TUT1: variants seen among roughly 807,000 people sequenced by gnomAD.
TUT1 encodes the protein terminal uridylyl transferase 1, U6 snRNA-specific, also known as speckle targeted PIP5K1A-regulated poly(A) polymerase.
In TUT1, 26 loss-of-function variants were observed where a neutral mutation model predicts 48.8. The observed-to-expected ratio is 0.53, with a 90% CI of 0.39 to 0.74. The LOEUF (loss-of-function observed/expected upper bound fraction) is 0.74, where lower values mean the gene tolerates loss of function less well. Ranked by LOEUF, TUT1 falls within the 30% of genes least tolerant of loss-of-function variation. The pLI is 0.00. For missense variants in TUT1, 1,065 were observed against 1,114.8 expected, an observed-to-expected ratio of 0.96 and a Z score of 0.64; for synonymous variants, 470 against 460.8, an observed-to-expected ratio of 1.02 and a Z score of -0.26.
In TUT1 at chr11:62,575,967, G is replaced by A. The variant is rs1291895673; in HGVS notation, c.1752C>T (p.Ser584=). ...CRSLQYQRRS[S]RGRDWGLLPL... ...GGAGCAGCCCCCAGTCCCGACCCCG[G>A]GAGGAACGGCGCTGGTACTGGAGGC... Residue 584 remains serine (S), a synonymous_variant, in exon 9 of 9, where the codon TCC becomes TCT. Transcript: ENST00000476907. 6.2e-7 allele frequency: 1 copy of A among 1,614,010 alleles called. No individual in the cohort carries two copies. The highest frequency in any genetic ancestry group is 2.2e-5 in the East Asian group (1 of 44,894).
At position 62,591,406 on chromosome 11, in the gene TUT1, T is replaced by C. The variant is rs768150576; in HGVS notation, c.80A>G (p.Asn27Ser). 16 of 1,580,706 alleles carry C rather than the reference T, an allele frequency of 1.0e-5. No homozygotes were observed. The highest frequency in any genetic ancestry group is 4.6e-5 in the East Asian group (2 of 43,504). ...RCCLCHVTTA[N>S]RPSLDAHLGG... ...GTCCCTCACTAGCCACCGCTTACGG[T>C]TGGCTGTAGTAACGTGGCAGAGGCA... Residue 27 changes from asparagine (N) to serine (S), a missense_variant and splice_region_variant, in exon 1 of 9, where the codon AAC becomes AGC. By Grantham distance (46) the Asn-to-Ser change is conservative. Coordinates refer to ENST00000476907, the MANE Select transcript of TUT1 (RefSeq NM_022830.3).
chr11:62,591,472 T>C lies in TUT1; in HGVS notation c.14A>G (p.Asp5Gly), dbSNP rs778420150. ...ACGCGGCAGCGATTCGACATCCGAA[T>C]CCACCGCCGCCATAGCGACTCTCCT... Reference protein sequence around the residue: MAAVDSDVESLPRGG... With the variant: MAAVGSDVESLPRGG... Residue 5 changes from aspartate (D) to glycine (G), a missense_variant, in exon 1 of 9, where the codon GAT (aspartate) becomes GGT (glycine). Coordinates refer to ENST00000476907, the MANE Select transcript of TUT1 (RefSeq NM_022830.3). 1 of 1,611,088 alleles carries C rather than the reference T, an allele frequency of 6.2e-7. No homozygotes were observed. Among genetic ancestry groups the C allele is most frequent in the South Asian group, 1.1e-5 (1 of 90,380 alleles).
At chr11:62,586,602 A>C (rs912425303) in intron 2 of TUT1, among the ~76,000 whole-genome samples, 4 of 152,126 alleles carry the variant, frequency 2.6e-5, no homozygotes, top group African/African-American at 9.7e-5. Context: ...AACATGGAGA[A>C]ATCCTGTCTC....
Position 62,577,309 on chromosome 11 carries a change from C to G in TUT1, c.1161-18G>C, listed in dbSNP as rs970849697. The G allele has an allele frequency of 4.4e-6, 7 of 1,602,728 alleles. No homozygotes were observed. The highest frequency in any genetic ancestry group is 6.0e-6 in the Non-Finnish European group (7 of 1,173,074). ...GGGCCAGCCTGGGACAAAGCAGGGA[C>G]AAGGGTGTTAGCGCTTGGGGATGTC... On this transcript the variant is annotated intron_variant, in intron 5 of 8. Transcript: ENST00000476907.
chr11:62,577,354 T>G, intron 5 of TUT1, 63 bp from the exon 6 acceptor site: 1 of 1,319,770 alleles, frequency 7.6e-7, no homozygotes, highest in Non-Finnish European at 1.1e-6. Flanking sequence ...CACCCCCAGC[T>G]TTCATTCCAG....
chr11:62,576,185 G>A lies in TUT1; in HGVS notation c.1534C>T (p.Leu512=), dbSNP rs758937801. The A allele has an allele frequency of 4.3e-6, 7 of 1,610,270 alleles. No individual in the cohort carries two copies. Among genetic ancestry groups the A allele is most frequent in the Non-Finnish European group, 5.9e-6 (7 of 1,178,348 alleles). The change falls in exon 9 of 9, where the codon CTG becomes TTG. Residue 512 remains leucine, a synonymous_variant. Transcript: ENST00000476907. ...AGTGCCTGACCCTCCCGCAGGGACA[G>A]CAGGGAGCCACGAAGATCCCAACAA... ...VSCWDLRGSL[L]SLREGQALPV...
chr11:62,587,932 A>C (rs1400082300), intron 2 of TUT1, among the ~76,000 whole-genome samples: 1 of 152,216 alleles, frequency 6.6e-6, no homozygotes, highest in Non-Finnish European at 1.5e-5. Context: ...GGGTGTTCTA[A>C]CCAAACAACC....
chr11:62,585,267 CACATCACCATGCGCAGACTT>C (rs1297187453), intron 2 of TUT1, among the ~76,000 whole-genome samples: 27 of 152,254 alleles, frequency 1.8e-4, no homozygotes, highest in African/African-American at 6.3e-4. Flanking sequence ...ATGATAGGGG[CACATCACCATGCGCAGACTT>C]ACTTCTACCC....
rs770953855 is a variant in TUT1, at chr11:62,591,487, G to A, written c.-2C>T. On this transcript the variant is annotated 5_prime_UTR_variant, in exon 1 of 9. Transcript: ENST00000476907. ...GACATCCGAATCCACCGCCGCCATAGCGACTCTCCTGTACCGACAAAAACA... is the reference window on the plus strand; with the variant it reads ...GACATCCGAATCCACCGCCGCCATAACGACTCTCCTGTACCGACAAAAACA... 1 of 1,611,698 alleles carries A rather than the reference G, an allele frequency of 6.2e-7. No homozygotes were observed. The highest frequency in any genetic ancestry group is 8.5e-7 in the Non-Finnish European group (1 of 1,178,892).
rs191223522 is a variant in TUT1 at position 62,591,259 on chromosome 11, T to G, written c.82+145A>C. The G allele has an allele frequency of 9.8e-5, 134 of 1,365,166 alleles. 2 individuals are homozygous for G. The African/African-American group carries it at 1.4e-3, about 14-fold the overall frequency. The allele number at this position is 1,365,166 out of a possible 1,614,324, so 84.6% of individuals were successfully genotyped here. Reference sequence around the variant, plus strand: ...AACTTTCCCGACTCTCCAAATCCCCTCGGACTTGCAGAGAAAAACGGAGGT... The same window carrying G: ...AACTTTCCCGACTCTCCAAATCCCCGCGGACTTGCAGAGAAAAACGGAGGT... On this transcript the variant is annotated intron_variant, in intron 1 of 8. Transcript: ENST00000476907.
chr11:62,576,183 C>G lies in TUT1; in HGVS notation c.1536G>C (p.Leu512=), dbSNP rs1649895232. 1 of 1,610,304 alleles carries G rather than the reference C, an allele frequency of 6.2e-7. No homozygotes were observed. The highest frequency in any genetic ancestry group is 8.5e-7 in the Non-Finnish European group (1 of 1,178,330). ...VSCWDLRGSL[L]SLREGQALPV... is the part of the protein sequence containing the mutation. ...GCAGTGCCTGACCCTCCCGCAGGGA[C>G]AGCAGGGAGCCACGAAGATCCCAAC... is the stretch of plus-strand genomic sequence containing the variant. The change falls in exon 9 of 9, where the codon CTG becomes CTC. Residue 512 remains leucine, a synonymous_variant. Coordinates refer to ENST00000476907, the MANE Select transcript of TUT1 (RefSeq NM_022830.3).
chr11:62,587,205 G>C (rs1941932800), intron 2 of TUT1, among the ~76,000 whole-genome samples: 1 of 151,940 alleles, frequency 6.6e-6, no homozygotes, highest in African/African-American at 2.4e-5. Flanking sequence ...TTATGAGATG[G>C]AGTTTCGCTC....
At chr11:62,577,514 T>C (rs370667018) in intron 5 of TUT1, among the ~76,000 whole-genome samples, 5 of 150,990 alleles carry the variant, frequency 3.3e-5, no homozygotes, top group African/African-American at 1.2e-4. Flanking sequence ...AGCACATTAT[T>C]ATAAGACTGT....
chr11:62,586,952 A>G (rs1252771116), intron 2 of TUT1, among the ~76,000 whole-genome samples: 4 of 149,644 alleles, frequency 2.7e-5, no homozygotes, highest in African/African-American at 4.9e-5. Context: ...TGATCCTCCC[A>G]CCTCAGTCTC....
rs3888173 is a variant in TUT1 at position 62,578,659 on chromosome 11, C to T, written c.1062G>A (p.Gly354=). The T allele has an allele frequency of 0.083, 133,397 of 1,614,122 alleles. 6,420 individuals carry two copies. The highest frequency in any genetic ancestry group is 0.094 in the Non-Finnish European group (110,679 of 1,180,006). Residue 354 remains glycine, a synonymous_variant, in exon 5 of 9, where the codon GGG becomes GGA. Coordinates refer to ENST00000476907, the MANE Select transcript of TUT1 (RefSeq NM_022830.3). The part of the protein sequence containing the change: ...VGSILRGCVP[G]VYRVQTVPSA... Reference sequence around the variant, plus strand: ...AGGGCACAGTTTGGACTCGATACACCCCAGGGACACAGCCCCGGAGAATGG... The same window carrying T: ...AGGGCACAGTTTGGACTCGATACACTCCAGGGACACAGCCCCGGAGAATGG...
Position 62,581,099 on chromosome 11 carries a change from C to T in TUT1, c.690+7G>A. 1.9e-6 allele frequency: 3 copies of T among 1,612,268 alleles called. No individual in the cohort carries two copies. Among genetic ancestry groups the T allele is most frequent in the African/African-American group, 1.3e-5 (1 of 74,994 alleles). ...TTCCCAGCTGCCTCCCTGGGACACT[C>T]ACTCACCTGGGGCTCTTCCAAGTCA... is the stretch of plus-strand genomic sequence containing the variant. On this transcript the variant is annotated splice_region_variant and intron_variant, in intron 4 of 8. Coordinates refer to ENST00000476907, the MANE Select transcript of TUT1 (RefSeq NM_022830.3).
Position 62,581,604 on chromosome 11 carries a change from C to A in TUT1, c.371G>T (p.Arg124Leu). 1 of 1,596,852 alleles carries A rather than the reference C, an allele frequency of 6.3e-7. No individual in the cohort carries two copies. The highest frequency in any genetic ancestry group is 1.1e-5 in the South Asian group (1 of 89,030). The change falls in exon 3 of 9, where the codon CGC becomes CTC. Residue 124 changes from arginine to leucine, a missense_variant. Arg to Leu is a moderately radical substitution (Grantham distance 102, BLOSUM62 -2). Transcript: ENST00000476907. ...CTGGAACTCCTTCTGCTCCCGTGGGCGGACACGCAGGCGATGTCCTCCCAG... is the reference window on the plus strand; with the variant it reads ...CTGGAACTCCTTCTGCTCCCGTGGGAGGACACGCAGGCGATGTCCTCCCAG... ...HSLGGHRLRV[R>L]PREQKEFQSP... is the part of the protein sequence containing the mutation.
intron 1 of TUT1, among the ~76,000 whole-genome samples, chr11:62,590,362 C>T (rs1054281877): frequency 2.0e-5 from 3 of 152,290 alleles, no homozygotes; most frequent in South Asian, 2.1e-4. Flanking sequence ...GTAGGCCGGG[C>T]GCGGTGGCTC....
rs772463118 is a variant in TUT1, at chr11:62,578,754, C to G, written c.967G>C (p.Ala323Pro). 2.5e-6 allele frequency: 4 copies of G among 1,614,046 alleles called. No homozygotes were observed. In the African/African-American group the frequency reaches 5.3e-5, roughly 22 times the overall value. ...TTTGGGGTCTCTGCTAGTTCCGAGG[C>G]CTTCCCCAGGTCCCCCTCTTCCCTG... ...EDREEGDLGKASELAETPKEE... is the reference protein window; with the variant it reads ...EDREEGDLGKPSELAETPKEE... Residue 323 changes from alanine to proline, a missense_variant, in exon 5 of 9, where the codon GCC (alanine) becomes CCC (proline). Transcript: ENST00000476907.
Sources: gnomAD v4.1 joint callset for allele counts (sites outside exome capture counted in the v4.1 genomes callset) on GRCh38, gnomAD v4.1.1 for gene constraint, MANE v1.5 for transcripts, NCBI Gene and HGNC (gene_info 2026-07-23, HGNC 2026-07-21) for gene names.